Variants in CDH11 observed in about 807,000 individuals in gnomAD.
CDH11 encodes the protein cadherin-11.
Under a neutral mutation model 67.8 loss-of-function variants are expected in CDH11, and 11 were observed. The ratio of observed to expected loss-of-function variants is 0.16; its 90% confidence interval spans 0.10 to 0.27. The LOEUF (loss-of-function observed/expected upper bound fraction) is 0.27. CDH11 is among the 10% of genes least tolerant of loss of function. The pLI, the probability that CDH11 is intolerant of heterozygous loss-of-function variation, is 1.00. For synonymous variants in CDH11, 419 were observed against 400.0 expected, an observed-to-expected ratio of 1.05 and a Z score of -0.57; for missense variants, 847 against 1,031.2, an observed-to-expected ratio of 0.82 and a Z score of 2.45.
intron 6 of CDH11, among the ~76,000 whole-genome samples, chr16:64,990,632 GT>G (rs2072606008): frequency 6.6e-6 from 1 of 151,968 alleles, no homozygotes; most frequent in African/African-American, 2.4e-5. Context: ...ACGGAAACCA[GT>G]TTTATCTGTA....
At chr16:64,976,483 T>A (rs951745297) in intron 8 of CDH11, among the ~76,000 whole-genome samples, 1 of 152,008 alleles carries the variant, frequency 6.6e-6, no homozygotes, top group Admixed American at 6.6e-5. Context: ...CCATTATATG[T>A]CCAAAGACTC....
At chr16:65,038,616 G>A (rs942705414) in intron 2 of CDH11, among the ~76,000 whole-genome samples, 1 of 152,146 alleles carries the variant, frequency 6.6e-6, no homozygotes, top group African/African-American at 2.4e-5. Context: ...CTAAATATCC[G>A]TGGATCCCAC....
At chr16:65,050,292 T>C (rs1261071635) in intron 2 of CDH11, among the ~76,000 whole-genome samples, 3 of 152,186 alleles carry the variant, frequency 2.0e-5, no homozygotes, top group Non-Finnish European at 4.4e-5. Context: ...GATTTCACTG[T>C]AAGTTAACTA....
chr16:64,948,025 G>A lies in CDH11; in HGVS notation c.1969C>T (p.Arg657Cys), dbSNP rs1333609650. The A allele has an allele frequency of 1.1e-5, 17 of 1,613,860 alleles. No individual in the cohort carries two copies. Among genetic ancestry groups the A allele is most frequent in the East Asian group, 2.2e-5 (1 of 44,884 alleles). Residue 657 changes from arginine to cysteine, a missense_variant, in exon 13 of 13, where the codon CGT (arginine) becomes TGT (cysteine). Arg to Cys is a radical substitution (Grantham distance 180, BLOSUM62 -3). Transcript: ENST00000268603. ...PLIVFEEEDV[R>C]ENIITYDDEG... ...TCATCATAAGTAATGATGTTCTCAC[G>A]GACATCTTCTTCCTCAAAGACAATG...
chr16:65,011,465 T>C (rs747285270), intron 2 of CDH11, among the ~76,000 whole-genome samples: 1 of 152,178 alleles, frequency 6.6e-6, no homozygotes, highest in African/African-American at 2.4e-5. Context: ...TAGGGTCTCA[T>C]GGCCACAAAA....
rs533607802 is a variant in CDH11 at position 65,085,771 on chromosome 16, T to C, written c.-297-31843A>G. 3.3e-5 allele frequency among the ~76,000 whole-genome samples: 5 copies of C among 152,360 alleles called. No homozygotes were observed. In the South Asian group the frequency reaches 1.0e-3, roughly 32 times the overall value. Reference sequence around the variant, plus strand: ...ATGTGTGGTTACGTGCCTTATAACATTCTTTGGGCATTTTCTTATTACCAG... The same window carrying C: ...ATGTGTGGTTACGTGCCTTATAACACTCTTTGGGCATTTTCTTATTACCAG... On this transcript the variant is annotated intron_variant, in intron 1 of 12. Transcript: ENST00000268603.
At chr16:65,048,965 T>C (rs1046853111) in intron 2 of CDH11, among the ~76,000 whole-genome samples, 1 of 151,978 alleles carries the variant, frequency 6.6e-6, no homozygotes, top group African/African-American at 2.4e-5. Context: ...CAAAATCAAA[T>C]ACTGCATATC....
intron 1 of CDH11, among the ~76,000 whole-genome samples, chr16:65,089,741 A>T (rs1166444228): frequency 1.1e-4 from 17 of 152,208 alleles, no homozygotes; most frequent in Admixed American, 1.1e-3. Context: ...ACTTTAAATT[A>T]CCATACACAA....
At chr16:64,997,298 T>TC (rs2072795707) in intron 4 of CDH11, among the ~76,000 whole-genome samples, 2 of 51,046 alleles carry the variant, frequency 3.9e-5, no homozygotes, top group Non-Finnish European at 9.5e-5. Flanking sequence ...AGACTCTGTC[T>TC]CAAAATAAAT....
chr16:64,968,458 T>C, intron 11 of CDH11: 1 of 985,010 alleles, frequency 1.0e-6, no homozygotes, highest in Non-Finnish European at 1.2e-6. Context: ...ATGCTCTTCA[T>C]CTGCCCAAAT....
At chr16:65,049,348 C>T (rs2074016823) in intron 2 of CDH11, among the ~76,000 whole-genome samples, 1 of 152,116 alleles carries the variant, frequency 6.6e-6, no homozygotes. Context: ...ATAGGAAGCA[C>T]TACAGTGCTG....
At chr16:65,081,830 A>G (rs2074616187) in intron 1 of CDH11, among the ~76,000 whole-genome samples, 1 of 152,232 alleles carries the variant, frequency 6.6e-6, no homozygotes, top group Non-Finnish European at 1.5e-5. Flanking sequence ...ACTGTCCTGA[A>G]TTAATTTTTG....
At position 65,008,903 on chromosome 16, in the gene CDH11, G is replaced by A. The variant is rs77946189; in HGVS notation, c.-172-3862C>T. On this transcript the variant is annotated intron_variant, in intron 2 of 12. Coordinates refer to ENST00000268603, the MANE Select transcript of CDH11 (RefSeq NM_001797.4). Reference sequence around the variant, plus strand: ...AGTTAAAATTTACCGGGTGTTATCCGCCTAACATTCTTGGACATGTTTTCC... The same window carrying A: ...AGTTAAAATTTACCGGGTGTTATCCACCTAACATTCTTGGACATGTTTTCC... Among the ~76,000 whole-genome samples the A allele has an allele frequency of 1.7e-4, 26 of 152,168 alleles. 1 individual carries two copies. In the East Asian group the frequency reaches 4.3e-3, roughly 25 times the overall value.
intron 11 of CDH11, among the ~76,000 whole-genome samples, chr16:64,965,804 A>G (rs896034985): frequency 1.3e-5 from 2 of 150,418 alleles, no homozygotes; most frequent in Admixed American, 6.6e-5. Context: ...ACACACACAC[A>G]CACACACACA....
chr16:65,088,930 T>C (rs1385298514), intron 1 of CDH11, among the ~76,000 whole-genome samples: 6 of 152,222 alleles, frequency 3.9e-5, no homozygotes, highest in Non-Finnish European at 8.8e-5. Flanking sequence ...GTATTATTAT[T>C]CAAGATGCTT....
intron 1 of CDH11, among the ~76,000 whole-genome samples, chr16:65,101,245 C>G (rs2074986177): frequency 6.6e-6 from 1 of 152,202 alleles, no homozygotes; most frequent in Non-Finnish European, 1.5e-5. Flanking sequence ...GACAAACCTT[C>G]CTTGCCAAGA....
chr16:65,008,281 G>T (rs1405053156), intron 2 of CDH11, among the ~76,000 whole-genome samples: 3 of 152,054 alleles, frequency 2.0e-5, no homozygotes, highest in Non-Finnish European at 4.4e-5. Flanking sequence ...CTGTTAAAAA[G>T]GTGAAATTAT....
intron 4 of CDH11, among the ~76,000 whole-genome samples, chr16:64,994,951 C>T (rs745624649): frequency 1.4e-4 from 21 of 151,936 alleles, no homozygotes; most frequent in African/African-American, 4.4e-4. Context: ...GAATACAGTG[C>T]GATTCACAAG....
chr16:65,037,884 C>T (rs530100708), intron 2 of CDH11, among the ~76,000 whole-genome samples: 4 of 152,244 alleles, frequency 2.6e-5, no homozygotes, highest in African/African-American at 9.6e-5. Context: ...AGATGAGAAG[C>T]CAGGCATCCC....
Sources: gnomAD v4.1 joint callset for allele counts (sites outside exome capture counted in the v4.1 genomes callset) on GRCh38, gnomAD v4.1.1 for gene constraint, MANE v1.5 for transcripts, NCBI Gene and HGNC (gene_info 2026-07-23, HGNC 2026-07-21) for gene names.